The following SLC26A5 variants were observed in gnomAD, a reference collection of about 807,000 sequenced individuals.
SLC26A5 encodes solute carrier family 26 member 5.
In SLC26A5, 51 loss-of-function variants were observed where a neutral mutation model predicts 81.0. The ratio of observed to expected loss-of-function variants is 0.63; its 90% CI spans 0.50 to 0.80. SLC26A5 has a LOEUF of 0.80. Ranked by LOEUF, SLC26A5 falls within the 30% of genes least tolerant of loss-of-function variation. The pLI is 0.00. For synonymous variants in SLC26A5, 325 were observed against 332.8 expected, an observed-to-expected ratio of 0.98 and a Z score of 0.25; for missense variants, 771 against 905.8, an observed-to-expected ratio of 0.85 and a Z score of 1.91.
intron 2 of SLC26A5, among the ~76,000 whole-genome samples, chr7:103,424,322 A>G (rs1825569347): frequency 6.6e-6 from 1 of 152,100 alleles, no homozygotes; most frequent in Admixed American, 6.6e-5. Context: ...TTCTATTCTA[A>G]TAGAATCATT....
chr7:103,372,160 T>C (rs913444902), downstream of SLC26A5, among the ~76,000 whole-genome samples: 11 of 152,218 alleles, frequency 7.2e-5, no homozygotes, highest in African/African-American at 2.7e-4. Flanking sequence ...CTCGTGATGA[T>C]TGCAAAGGAA....
chr7:103,420,289 C>CTTT (rs35755959), intron 4 of SLC26A5, among the ~76,000 whole-genome samples: 371 of 90,558 alleles, frequency 4.1e-3, no homozygotes, highest in Middle Eastern at 8.3e-3. Context: ...ATCCCTGGAG[C>CTTT]TTTTTTTTTT....
chr7:103,354,338 C>T (rs1260753602), intron 19 of SLC26A5, among the ~76,000 whole-genome samples: 1 of 149,750 alleles, frequency 6.7e-6, no homozygotes, highest in African/African-American at 2.5e-5. Flanking sequence ...GCATAGAAAT[C>T]GATAGTTTTG....
chr7:103,356,123 C>T (rs1820018179), intron 19 of SLC26A5, among the ~76,000 whole-genome samples: 1 of 151,650 alleles, frequency 6.6e-6, no homozygotes, highest in Non-Finnish European at 1.5e-5. Context: ...TGTGTATCTT[C>T]CTGTATTTGC....
At chr7:103,379,433 T>A in intron 15 of SLC26A5, 98 bp from the exon 16 acceptor site, 2 of 776,840 alleles carry the variant, frequency 2.6e-6, no homozygotes, top group African/African-American at 1.7e-5. Context: ...ATGCAGAAGT[T>A]GCTAAGGTCC....
chr7:103,397,028 G>A (rs1388952174), intron 9 of SLC26A5, among the ~76,000 whole-genome samples: 1 of 151,190 alleles, frequency 6.6e-6, no homozygotes, highest in Non-Finnish European at 1.5e-5. Flanking sequence ...CTCAGAGGCA[G>A]AGGTTGCAGT....
At chr7:103,353,280 A>C (rs1413612786) in intron 19 of SLC26A5, among the ~76,000 whole-genome samples, 1 of 152,014 alleles carries the variant, frequency 6.6e-6, no homozygotes. Context: ...ATGTTCTGTT[A>C]TCATTTTAAA....
At chr7:103,370,598 CA>C (rs1311685906), downstream of SLC26A5, among the ~76,000 whole-genome samples, 1 of 152,168 alleles carries the variant, frequency 6.6e-6, no homozygotes, top group African/African-American at 2.4e-5. Flanking sequence ...CCTGCAACTA[CA>C]AAATGAGCTA....
At chr7:103,426,981 C>G (rs1825747106) in intron 2 of SLC26A5, among the ~76,000 whole-genome samples, 1 of 152,084 alleles carries the variant, frequency 6.6e-6, no homozygotes, top group South Asian at 2.1e-4. Context: ...ATACTAATGA[C>G]AGCAAAGCAA....
In SLC26A5 at chr7:103,406,576, C is replaced by A. The variant is rs910759981; in HGVS notation, c.888+1275G>T. 2.0e-5 allele frequency among the ~76,000 whole-genome samples: 3 copies of A among 152,172 alleles called. 1 individual carries two copies. The highest frequency in any genetic ancestry group is 2.0e-4 in the Admixed American group (3 of 15,280). On this transcript the variant is annotated intron_variant, in intron 8 of 19. Coordinates refer to ENST00000306312, the MANE Select transcript of SLC26A5 (RefSeq NM_198999.3). ...CAGGTGGAAATGCAGAAATCACCCA[C>A]CTTCTGTGTTGATCTCGAAGGGAGC...
rs1171602018 is a variant in SLC26A5 at position 103,432,788 on chromosome 7, T to C, written c.-54+10295A>G. On this transcript the variant is annotated intron_variant, in intron 2 of 19. Transcript: ENST00000306312. ...TTGTGGAAGGGGAGGAGTGGTTCTG[T>C]GGATGTTCCATGTACACTTAAGTCG... is the stretch of plus-strand genomic sequence containing the variant. Among the ~76,000 whole-genome samples, 3 of 152,140 alleles carry C rather than the reference T, an allele frequency of 2.0e-5. No homozygotes were observed. In the East Asian group the frequency reaches 5.8e-4, roughly 29 times the overall value.
intron 17 of SLC26A5, among the ~76,000 whole-genome samples, chr7:103,378,215 A>T (rs1294223270): frequency 6.6e-6 from 1 of 152,218 alleles, no homozygotes; most frequent in Non-Finnish European, 1.5e-5. Context: ...AAAATCTGTT[A>T]AGGTATTGTG....
intron 14 of SLC26A5, among the ~76,000 whole-genome samples, 187 bp from the exon 15 acceptor site, chr7:103,380,736 C>A (rs1436911683): frequency 2.0e-5 from 3 of 151,838 alleles, no homozygotes; most frequent in East Asian, 3.9e-4. Context: ...GCCTAATACA[C>A]CCCACACACC....
intron 5 of SLC26A5, among the ~76,000 whole-genome samples, chr7:103,412,559 T>G (rs558829743): frequency 4.0e-5 from 6 of 149,236 alleles, no homozygotes; most frequent in African/African-American, 1.5e-4. Flanking sequence ...TTTTGTTTTT[T>G]TTTTTTTTGA....
chr7:103,401,546 C>T (rs1324108279), intron 8 of SLC26A5, among the ~76,000 whole-genome samples: 12 of 152,142 alleles, frequency 7.9e-5, no homozygotes, highest in Non-Finnish European at 1.3e-4. Context: ...TTTGAATACC[C>T]TTTATTTCTT....
downstream of SLC26A5, among the ~76,000 whole-genome samples, chr7:103,369,935 G>C (rs1820935724): frequency 6.6e-6 from 1 of 152,108 alleles, no homozygotes; most frequent in Admixed American, 6.5e-5. Context: ...TGAAAAGCCT[G>C]GTACAGCTTT....
intron 19 of SLC26A5, among the ~76,000 whole-genome samples, chr7:103,356,140 A>G (rs761506357): frequency 6.6e-5 from 10 of 152,180 alleles, no homozygotes; most frequent in Admixed American, 2.6e-4. Context: ...TTGCATGCAA[A>G]GAAACATATC....
At chr7:103,425,885 G>C (rs1050404650) in intron 2 of SLC26A5, among the ~76,000 whole-genome samples, 7 of 152,192 alleles carry the variant, frequency 4.6e-5, no homozygotes, top group African/African-American at 1.7e-4. Flanking sequence ...CTGCAAAGCA[G>C]ACAGGGATTG....
chr7:103,385,565 G>A (rs1045863383), intron 14 of SLC26A5, among the ~76,000 whole-genome samples: 1 of 152,082 alleles, frequency 6.6e-6, no homozygotes, highest in African/African-American at 2.4e-5. Context: ...TACCCTGAGT[G>A]CTGATCTCCT....
Sources: gnomAD v4.1 joint callset for allele counts (sites outside exome capture counted in the v4.1 genomes callset) on GRCh38, gnomAD v4.1.1 for gene constraint, MANE v1.5 for transcripts, NCBI Gene and HGNC (gene_info 2026-07-23, HGNC 2026-07-21) for gene names.